The following RNF185 variants were observed in gnomAD, a reference collection of about 807,000 sequenced individuals.
RNF185 encodes ring finger protein 185.
A neutral mutation model predicts 24.9 loss-of-function variants in RNF185; 13 were observed. The ratio of observed to expected loss-of-function variants is 0.52; its 90% CI spans 0.34 to 0.83. The LOEUF is 0.83. RNF185 is among the 40% of genes least tolerant of loss of function. The pLI, the probability that RNF185 is intolerant of heterozygous loss-of-function variation, is 0.01. For missense variants in RNF185, 184 were observed against 244.7 expected (o/e 0.75, Z 1.65); for synonymous variants, 79 against 90.3 (o/e 0.88, Z 0.71).
At chr22:31,180,323 G>A (rs1440688342) in intron 1 of RNF185, among the ~76,000 whole-genome samples, 1 of 151,998 alleles carries the variant, frequency 6.6e-6, no homozygotes, top group East Asian at 1.9e-4. Flanking sequence ...AATTAGCTGG[G>A]CGTGGTGGTG....
chr22:31,194,466 A>C (rs889715099), intron 3 of RNF185, among the ~76,000 whole-genome samples: 15 of 152,118 alleles, frequency 9.9e-5, no homozygotes, highest in Non-Finnish European at 2.2e-4. Context: ...GCGGTGGCTC[A>C]TGCCTGTGAT....
At chr22:31,160,898 G>GT (rs966497526) in intron 1 of RNF185, among the ~76,000 whole-genome samples, 5 of 152,164 alleles carry the variant, frequency 3.3e-5, no homozygotes, top group African/African-American at 9.7e-5. Flanking sequence ...GAACTTATGC[G>GT]TAGGGGGGTC....
intron 5 of RNF185, among the ~76,000 whole-genome samples, chr22:31,198,362 T>C (rs940803614): frequency 3.3e-5 from 5 of 152,104 alleles, no homozygotes; most frequent in Non-Finnish European, 4.4e-5. Context: ...ATTTTGCTGT[T>C]TAAATAATGC....
At chr22:31,166,581 T>TCTC (rs913837172) in intron 1 of RNF185, among the ~76,000 whole-genome samples, 1 of 94,946 alleles carries the variant, frequency 1.1e-5, no homozygotes, top group African/African-American at 4.6e-5. Context: ...TTCTTCTTCT[T>TCTC]CCCCTTCCCC....
At chr22:31,164,436 C>A (rs144273800) in intron 1 of RNF185, among the ~76,000 whole-genome samples, 1 of 152,290 alleles carries the variant, frequency 6.6e-6, no homozygotes, top group East Asian at 1.9e-4. Context: ...TACAATATTA[C>A]TAGCTAATCT....
chr22:31,181,048 C>G (rs184851170), intron 1 of RNF185, among the ~76,000 whole-genome samples: 2 of 151,950 alleles, frequency 1.3e-5, no homozygotes, highest in East Asian at 3.9e-4. Flanking sequence ...ACATACTCTT[C>G]TACAACTTAA....
intron 5 of RNF185, among the ~76,000 whole-genome samples, chr22:31,199,270 G>A (rs2048238925): frequency 6.6e-6 from 1 of 152,148 alleles, no homozygotes; most frequent in Admixed American, 6.5e-5. Flanking sequence ...ATTTAACGGA[G>A]GAGGAAACTG....
At chr22:31,183,709 A>C (rs2147941778) in intron 1 of RNF185, among the ~76,000 whole-genome samples, 1 of 152,360 alleles carries the variant, frequency 6.6e-6, no homozygotes, top group South Asian at 2.1e-4. Context: ...GGGTAAGGTT[A>C]TAGATTAACA....
intron 1 of RNF185, among the ~76,000 whole-genome samples, chr22:31,183,526 C>G (rs976543013): frequency 4.0e-5 from 6 of 151,862 alleles, no homozygotes; most frequent in Non-Finnish European, 8.8e-5. Context: ...GGCAGAGGGC[C>G]CTGCCGCCTT....
chr22:31,161,418 C>T (rs1296063427), intron 1 of RNF185, among the ~76,000 whole-genome samples: 1 of 152,174 alleles, frequency 6.6e-6, no homozygotes, highest in Non-Finnish European at 1.5e-5. Flanking sequence ...GCCTACATCT[C>T]CTGTAAATAA....
At chr22:31,168,463 C>T (rs1295062557) in intron 1 of RNF185, among the ~76,000 whole-genome samples, 1 of 152,210 alleles carries the variant, frequency 6.6e-6, no homozygotes, top group Non-Finnish European at 1.5e-5. Context: ...ATCCATTCAT[C>T]TGTCGATGCA....
intron 1 of RNF185, among the ~76,000 whole-genome samples, chr22:31,170,098 G>A (rs151251196): frequency 6.6e-6 from 1 of 152,274 alleles, no homozygotes; most frequent in Admixed American, 6.5e-5. Context: ...TCCTGTGATA[G>A]TTTCTATAGC....
At chr22:31,200,946 T>C (rs117740085) in intron 5 of RNF185, among the ~76,000 whole-genome samples, 1 of 152,384 alleles carries the variant, frequency 6.6e-6, no homozygotes, top group East Asian at 1.9e-4. Context: ...TTTTGTCTGA[T>C]AACTTGGTCA....
intron 4 of RNF185, 81 bp downstream of exon 4, chr22:31,195,662 C>G (rs1285577198): frequency 5.8e-6 from 5 of 855,208 alleles, no homozygotes; most frequent in African/African-American, 1.7e-5. Flanking sequence ...CTAACCCCAC[C>G]CTTTACTTAG....
intron 3 of RNF185, among the ~76,000 whole-genome samples, chr22:31,195,021 C>T (rs571562232): frequency 6.6e-6 from 1 of 151,978 alleles, no homozygotes; most frequent in African/African-American, 2.4e-5. Flanking sequence ...GGTGCAATCT[C>T]GGCTCACTGC....
chr22:31,163,555 C>T (rs930178587), intron 1 of RNF185, among the ~76,000 whole-genome samples: 2 of 151,844 alleles, frequency 1.3e-5, no homozygotes, highest in East Asian at 1.9e-4. Context: ...CTCAAATCTC[C>T]GAGCTCAAAT....
chr22:31,193,024 A>G (rs1013691833), intron 3 of RNF185, among the ~76,000 whole-genome samples: 1 of 152,234 alleles, frequency 6.6e-6, no homozygotes, highest in Admixed American at 6.5e-5. Context: ...TCATATCAAC[A>G]GTCCCCCAGC....
intron 5 of RNF185, among the ~76,000 whole-genome samples, chr22:31,197,762 G>T (rs1296219145): frequency 6.6e-6 from 1 of 151,340 alleles, no homozygotes; most frequent in East Asian, 1.9e-4. Flanking sequence ...TGTTTTGTTT[G>T]GGTAGAAACA....
At chr22:31,188,677 G>T (rs1356157613) in intron 2 of RNF185, among the ~76,000 whole-genome samples, 1 of 151,816 alleles carries the variant, frequency 6.6e-6, no homozygotes, top group Non-Finnish European at 1.5e-5. Context: ...AACTAGTCAG[G>T]CATGGTGGCG....
Sources: gnomAD v4.1 joint callset for allele counts (sites outside exome capture counted in the v4.1 genomes callset) on GRCh38, gnomAD v4.1.1 for gene constraint, MANE v1.5 for transcripts, NCBI Gene and HGNC (gene_info 2026-07-23, HGNC 2026-07-21) for gene names.